STAG1: variants seen among roughly 807,000 people sequenced by gnomAD.
STAG1 encodes the protein cohesin subunit SA-1.
A neutral mutation model predicts 170.9 loss-of-function variants in STAG1; 26 were observed. That is an observed-to-expected ratio of 0.15 (90% CI 0.11 to 0.21). The LOEUF (loss-of-function observed/expected upper bound fraction) is 0.21. Ranked by LOEUF, STAG1 falls within the 10% of genes least tolerant of loss-of-function variation. STAG1 has a pLI of 1.00. For missense variants in STAG1, 964 were observed against 1,509.5 expected (o/e 0.64, Z 5.99); for synonymous variants, 514 against 497.7 (o/e 1.03, Z -0.44).
intron 21 of STAG1, among the ~76,000 whole-genome samples, chr3:136,411,863 T>G (rs1317624026): frequency 6.6e-6 from 1 of 151,776 alleles, no homozygotes; most frequent in Non-Finnish European, 1.5e-5. Context: ...GAGAATTGCT[T>G]GAACCCGGGA....
chr3:136,371,240 AGATTCTG>A (rs1937321924), intron 23 of STAG1, among the ~76,000 whole-genome samples: 1 of 152,182 alleles, frequency 6.6e-6, no homozygotes, highest in Non-Finnish European at 1.5e-5. Flanking sequence ...AGTTCATTGT[AGATTCTG>A]GATATTAGCC....
intron 2 of STAG1, among the ~76,000 whole-genome samples, chr3:136,623,861 A>G (rs879306674): frequency 1.1e-4 from 16 of 152,166 alleles, no homozygotes; most frequent in East Asian, 2.0e-4. Context: ...AGGTTGAGGG[A>G]GGGGAATCAT....
Position 136,417,898 on chromosome 3 carries a change from G to A in STAG1, c.2183C>T (p.Ala728Val). 6.2e-7 allele frequency: 1 copy of A among 1,613,366 alleles called. No individual in the cohort carries two copies. The highest frequency in any genetic ancestry group is 8.5e-7 in the Non-Finnish European group (1 of 1,179,414). Residue 728 changes from alanine to valine, a missense_variant, in exon 21 of 34, where the codon GCC becomes GTC. Physicochemically the swap from Ala to Val is moderately conservative, Grantham distance 64 (BLOSUM62 0). Transcript: ENST00000383202. ...ATAAACTCCTACCTGTTCTGGCATGGCTCCATGTTCAATTCCAGTCTTCAA... is the reference window on the plus strand; with the variant it reads ...ATAAACTCCTACCTGTTCTGGCATGACTCCATGTTCAATTCCAGTCTTCAA... ...RLLKTGIEHGAMPEQIVVQAL... is the reference protein window; with the variant it reads ...RLLKTGIEHGVMPEQIVVQAL...
intron 20 of STAG1, among the ~76,000 whole-genome samples, chr3:136,419,301 T>C (rs971797342): frequency 3.3e-5 from 5 of 152,188 alleles, no homozygotes; most frequent in South Asian, 4.1e-4. Context: ...CTTTTGAATT[T>C]TGAAGTACTG....
intron 2 of STAG1, among the ~76,000 whole-genome samples, chr3:136,630,342 A>C (rs2107837759): frequency 6.6e-6 from 1 of 152,224 alleles, no homozygotes; most frequent in South Asian, 2.1e-4. Context: ...CAATCTAAGG[A>C]AAAAGAAAGA....
At chr3:136,704,092 C>T (rs1943156083) in intron 1 of STAG1, among the ~76,000 whole-genome samples, 1 of 148,796 alleles carries the variant, frequency 6.7e-6, no homozygotes, top group African/African-American at 2.5e-5. Flanking sequence ...ACTCTGTCGC[C>T]CAGGCTGGAG....
At chr3:136,608,721 A>T (rs1310989124) in intron 3 of STAG1, among the ~76,000 whole-genome samples, 10 of 125,426 alleles carry the variant, frequency 8.0e-5, no homozygotes, top group South Asian at 2.9e-4. Flanking sequence ...GGAGAATCGA[A>T]TGAGCCGGGG....
chr3:136,609,943 G>C (rs927096749), intron 3 of STAG1, among the ~76,000 whole-genome samples: 3 of 152,012 alleles, frequency 2.0e-5, no homozygotes, highest in African/African-American at 7.2e-5. Flanking sequence ...GCAACATGGA[G>C]TTATAGTCCT....
chr3:136,525,877 T>C (rs1035191147), intron 6 of STAG1, among the ~76,000 whole-genome samples: 3 of 152,162 alleles, frequency 2.0e-5, no homozygotes, highest in Admixed American at 6.5e-5. Context: ...CAGGAGCAGG[T>C]TGTTTAGTTT....
chr3:136,373,729 T>C (rs552512362), intron 23 of STAG1, among the ~76,000 whole-genome samples: 8 of 152,332 alleles, frequency 5.3e-5, no homozygotes, highest in East Asian at 1.9e-4. Flanking sequence ...TGTTATAATT[T>C]CTGTTCTTTT....
rs751002071 is a variant in STAG1, at chr3:136,422,861, G to A, written c.1744-4C>T. On this transcript the variant is annotated splice_region_variant and splice_polypyrimidine_tract_variant and intron_variant, in intron 17 of 33. Coordinates refer to ENST00000383202, the MANE Select transcript of STAG1 (RefSeq NM_005862.3). ...CCTTCTCTGCATCTGCAGAATACTA[G>A]AAGGAGAAGCAAAGAAAAAGACAGT... 3 of 1,601,920 alleles carry A rather than the reference G, an allele frequency of 1.9e-6. No homozygotes were observed. Among genetic ancestry groups the A allele is most frequent in the African/African-American group, 1.3e-5 (1 of 74,376 alleles).
chr3:136,376,046 T>C (rs190109700), intron 23 of STAG1, among the ~76,000 whole-genome samples: 20 of 148,592 alleles, frequency 1.3e-4, no homozygotes, highest in African/African-American at 4.9e-4. Context: ...TAAAATAAAA[T>C]AAAACAAAAT....
intron 1 of STAG1, among the ~76,000 whole-genome samples, chr3:136,743,046 G>A (rs77730841): frequency 0.015 from 2,329 of 152,160 alleles, 29 homozygotes; most frequent in Non-Finnish European, 0.025. Context: ...AAAAATAACC[G>A]ATAAATCACT....
chr3:136,667,269 T>C (rs971289452), intron 1 of STAG1, among the ~76,000 whole-genome samples: 6 of 152,118 alleles, frequency 3.9e-5, no homozygotes, highest in African/African-American at 1.4e-4. Flanking sequence ...TATCTAAAGT[T>C]GGATGTGGTG....
In STAG1 at chr3:136,741,130, A is replaced by C. The variant is rs544668295; in HGVS notation, c.-84+11065T>G. Among the ~76,000 whole-genome samples the C allele has an allele frequency of 3.3e-5, 5 of 152,314 alleles. No individual in the cohort carries two copies. The South Asian group carries it at 1.0e-3, about 32-fold the overall frequency. On this transcript the variant is annotated intron_variant, in intron 1 of 33. Transcript: ENST00000383202. ...AAGAAAGACATGTCCCAGAGCAAAA[A>C]GCGTATTTATGACCCATTATAAAAG...
intron 3 of STAG1, among the ~76,000 whole-genome samples, chr3:136,613,896 C>T (rs1939443483): frequency 6.6e-6 from 1 of 152,138 alleles, no homozygotes; most frequent in African/African-American, 2.4e-5. Flanking sequence ...ACATGGTAAC[C>T]ACTATCCCCA....
chr3:136,716,856 A>G (rs1943552697), intron 1 of STAG1, among the ~76,000 whole-genome samples: 1 of 152,244 alleles, frequency 6.6e-6, no homozygotes. Flanking sequence ...AACTAATTGT[A>G]AGACTTTCTG....
chr3:136,525,799 T>G (rs1934986062), intron 6 of STAG1, among the ~76,000 whole-genome samples: 1 of 152,222 alleles, frequency 6.6e-6, no homozygotes, highest in South Asian at 2.1e-4. Flanking sequence ...TGTTGTGCCT[T>G]TGTTCTCACT....
chr3:136,406,410 T>A (rs1475833764), intron 21 of STAG1, among the ~76,000 whole-genome samples: 1 of 152,166 alleles, frequency 6.6e-6, no homozygotes, highest in African/African-American at 2.4e-5. Flanking sequence ...GGTGAGCATA[T>A]GACTATAAAA....
Sources: allele counts gnomAD v4.1 joint callset (sites outside exome capture counted in the v4.1 genomes callset), GRCh38; gene constraint gnomAD v4.1.1; transcripts MANE v1.5; gene names NCBI Gene and HGNC (gene_info 2026-07-23, HGNC 2026-07-21).